The following MBLAC2 variants were observed in gnomAD, a reference collection of about 807,000 sequenced individuals.
MBLAC2 encodes the protein acyl-coenzyme A thioesterase MBLAC2.
In MBLAC2, 24 loss-of-function variants were observed where a neutral mutation model predicts 23.3. The observed-to-expected ratio is 1.03, with a 90% CI of 0.75 to 1.45. The LOEUF is 1.45. Ranked by LOEUF, MBLAC2 falls within the 40% of genes most tolerant of loss-of-function variation. The probability of loss-of-function intolerance (pLI) is 0.00; values close to 1 mark genes in which losing one functional copy is unlikely to be tolerated. For synonymous variants in MBLAC2, 162 were observed against 150.9 expected (o/e 1.07, Z -0.54); for missense variants, 358 against 370.0 (o/e 0.97, Z 0.27).
chr5:90,467,350 T>C (rs1750465523), intron 1 of MBLAC2, among the ~76,000 whole-genome samples: 1 of 152,224 alleles, frequency 6.6e-6, no homozygotes, highest in Non-Finnish European at 1.5e-5. Context: ...AATTGTTTTA[T>C]ACATTTGGGA....
At chr5:90,463,429 G>C (rs1750399059) in intron 1 of MBLAC2, among the ~76,000 whole-genome samples, 1 of 151,976 alleles carries the variant, frequency 6.6e-6, no homozygotes. Flanking sequence ...TAACAAATTA[G>C]GAAGAACAAA....
intron 1 of MBLAC2, among the ~76,000 whole-genome samples, chr5:90,471,195 G>A (rs1296806636): frequency 6.6e-6 from 1 of 152,160 alleles, no homozygotes; most frequent in Non-Finnish European, 1.5e-5. Flanking sequence ...CTTCGGAAGA[G>A]AGCCAAATTA....
At chr5:90,468,503 G>A (rs950253810) in intron 1 of MBLAC2, among the ~76,000 whole-genome samples, 1 of 151,776 alleles carries the variant, frequency 6.6e-6, no homozygotes, top group African/African-American at 2.4e-5. Flanking sequence ...ACTTTCCAGT[G>A]CATTTTGAAT....
Position 90,474,333 on chromosome 5 carries a change from G to A in MBLAC2, c.-41C>T, listed in dbSNP as rs762012309. The A allele has an allele frequency of 1.9e-6, 3 of 1,568,386 alleles. No individual in the cohort carries two copies. The highest frequency in any genetic ancestry group is 2.6e-6 in the Non-Finnish European group (3 of 1,143,894). On this transcript the variant is annotated 5_prime_UTR_variant, in exon 1 of 2. Coordinates refer to ENST00000316610, the MANE Select transcript of MBLAC2 (RefSeq NM_203406.2). ...AGCCAGGCGGGGTGAGTGTGGGCGT[G>A]CGAGTCTCCCACAGGCTGTCCACAC... is the stretch of plus-strand genomic sequence containing the variant.
chr5:90,474,479 C>T lies in MBLAC2; in HGVS notation c.-187G>A, dbSNP rs560585548. 1.3e-4 allele frequency: 81 copies of T among 603,764 alleles called. No individual in the cohort carries two copies. The highest frequency in any genetic ancestry group is 4.3e-4 in the Middle Eastern group (1 of 2,300). 37.4% of individuals were successfully genotyped at this position (603,764 alleles called of 1,614,324 possible). The stretch of plus-strand genomic sequence containing the variant: ...GAGGAAGGACGCAGACCGACGCTGC[C>T]CGTAGCGTGCGCTCCCGCACCCTTC... On this transcript the variant is annotated 5_prime_UTR_variant, in exon 1 of 2. Coordinates refer to ENST00000316610, the MANE Select transcript of MBLAC2 (RefSeq NM_203406.2).
At chr5:90,466,184 CAGAG>C (rs754160652) in intron 1 of MBLAC2, among the ~76,000 whole-genome samples, 1 of 152,138 alleles carries the variant, frequency 6.6e-6, no homozygotes, top group Non-Finnish European at 1.5e-5. Context: ...ATCGATATAA[CAGAG>C]AGTCTGAAAG....
In MBLAC2 at chr5:90,459,845, G is replaced by A. The variant is rs1161483697; in HGVS notation, c.*1322C>T. 6.6e-6 allele frequency: 1 copy of A among 152,308 alleles called. No individual in the cohort carries two copies. Among genetic ancestry groups the A allele is most frequent in the Non-Finnish European group, 1.5e-5 (1 of 67,946 alleles). The allele number at this position is 152,308 out of a possible 1,614,324, so 9.4% of individuals were successfully genotyped here. On this transcript the variant is annotated 3_prime_UTR_variant, in exon 2 of 2. Coordinates refer to ENST00000316610, the MANE Select transcript of MBLAC2 (RefSeq NM_203406.2). ...AACTAAAGAACCTGGGCATCTGTAG[G>A]GTAGAAAAGTTTTGTAATTTTTCAG...
At chr5:90,469,917 G>A (rs1002845445) in intron 1 of MBLAC2, among the ~76,000 whole-genome samples, 11 of 152,154 alleles carry the variant, frequency 7.2e-5, no homozygotes, top group Non-Finnish European at 1.6e-4. Context: ...GAATACTAAA[G>A]AGATAACTGC....
In MBLAC2 at chr5:90,461,446, A is replaced by T. The variant is rs1750368078; in HGVS notation, c.561T>A (p.Ser187Arg). Residue 187 changes from serine (S) to arginine (R), a missense_variant, in exon 2 of 2, where the codon AGT becomes AGA. Transcript: ENST00000316610. ...GTGATCCATCATACACGACGTCTCC[A>T]CTGAAGAGAATCTTTCGGTCTTTGT... is the stretch of plus-strand genomic sequence containing the variant. The part of the protein sequence containing the change: ...LHDKDRKILF[S>R]GDVVYDGSLI... 1 of 1,614,080 alleles carries T rather than the reference A, an allele frequency of 6.2e-7. No individual in the cohort carries two copies.
intron 1 of MBLAC2, among the ~76,000 whole-genome samples, chr5:90,461,831 T>G (rs1750373948): frequency 6.6e-6 from 1 of 152,196 alleles, no homozygotes; most frequent in Non-Finnish European, 1.5e-5. Flanking sequence ...GTCAAATAAT[T>G]TGAGGAACTC....
In MBLAC2 at chr5:90,474,402, G is replaced by C; in HGVS notation, c.-110C>G. ...GTGAAGCGGTCTGCCTGCAGCCAGG[G>C]AGGAGGCGTAGAGCGAGGCGGGGGC... On this transcript the variant is annotated 5_prime_UTR_variant, in exon 1 of 2. Transcript: ENST00000316610. The C allele has an allele frequency of 9.8e-7, 1 of 1,024,304 alleles. No homozygotes were observed. The highest frequency in any genetic ancestry group is 1.4e-5 in the South Asian group (1 of 71,828). The allele number at this position is 1,024,304 out of a possible 1,614,324, so 63.5% of individuals were successfully genotyped here. A position where few individuals can be genotyped will look rare whatever the true frequency, so the allele number is the denominator to read the frequency against.
rs143896588 is a variant in MBLAC2, at chr5:90,459,563, A to C, written c.*1604T>G. 6 of 152,104 alleles carry C rather than the reference A, an allele frequency of 3.9e-5. No homozygotes were observed. Among genetic ancestry groups the C allele is most frequent in the African/African-American group, 1.4e-4 (6 of 41,446 alleles). 9.4% of individuals were successfully genotyped at this position (152,104 alleles called of 1,614,324 possible). A position where few individuals can be genotyped will look rare whatever the true frequency, so the allele number is the denominator to read the frequency against. ...TGACTCAAAAACCCCTCCTCCAGTAAACTTTGCCTAACCAAAGTTCACACC... is the reference window on the plus strand; with the variant it reads ...TGACTCAAAAACCCCTCCTCCAGTACACTTTGCCTAACCAAAGTTCACACC... On this transcript the variant is annotated 3_prime_UTR_variant, in exon 2 of 2. Transcript: ENST00000316610.
chr5:90,462,506 A>G (rs551348465), intron 1 of MBLAC2, among the ~76,000 whole-genome samples: 1 of 152,282 alleles, frequency 6.6e-6, no homozygotes, highest in South Asian at 2.1e-4. Flanking sequence ...AGCCTACAAG[A>G]AAGAAACTAT....
intron 1 of MBLAC2, among the ~76,000 whole-genome samples, chr5:90,466,498 A>G (rs1186425346): frequency 6.6e-6 from 1 of 152,176 alleles, no homozygotes; most frequent in African/African-American, 2.4e-5. Context: ...CACGAGACAA[A>G]AATTGCTAAC....
At chr5:90,471,672 A>G (rs1237684231) in intron 1 of MBLAC2, 1 of 152,250 alleles carries the variant, frequency 6.6e-6, no homozygotes, top group Non-Finnish European at 1.5e-5. Flanking sequence ...CTACCAAAGC[A>G]ATGAAGACTT....
At chr5:90,469,351 A>T (rs1191318510) in intron 1 of MBLAC2, among the ~76,000 whole-genome samples, 1 of 152,008 alleles carries the variant, frequency 6.6e-6, no homozygotes, top group Non-Finnish European at 1.5e-5. Context: ...TGGTCCTCCT[A>T]CTTATTTTAG....
intron 1 of MBLAC2, among the ~76,000 whole-genome samples, chr5:90,462,552 C>G (rs1378484907): frequency 6.6e-6 from 1 of 151,876 alleles, no homozygotes; most frequent in Non-Finnish European, 1.5e-5. Context: ...AAAGCTTAAC[C>G]ATATTAAATA....
At position 90,473,966 on chromosome 5, in the gene MBLAC2, A is replaced by G; in HGVS notation, c.327T>C (p.Ala109=). 1 of 1,600,450 alleles carries G rather than the reference A, an allele frequency of 6.2e-7. No individual in the cohort carries two copies. Among genetic ancestry groups the G allele is most frequent in the Non-Finnish European group, 8.5e-7 (1 of 1,174,492 alleles). Residue 109 remains alanine, a synonymous_variant, in exon 1 of 2, where the codon GCT becomes GCC. Coordinates refer to ENST00000316610, the MANE Select transcript of MBLAC2 (RefSeq NM_203406.2). ...AVHHAEAEAL[A]RGDNFETVTW... ...TCACGGTCTCAAAGTTGTCCCCGCG[A>G]GCCAGCGCCTCGGCCTCGGCGTGGT...
In MBLAC2 at chr5:90,468,924, CA is replaced by C. The variant is rs1273559979; in HGVS notation, c.454+4914del. ...ACCTATCAAAACCTCTGGGATACGGCAAAAGCAGTGCTAAGAGGAAAGTTCA... is the reference window on the plus strand; with the variant it reads ...ACCTATCAAAACCTCTGGGATACGGCAAAGCAGTGCTAAGAGGAAAGTTCA... On this transcript the variant is annotated intron_variant, in intron 1 of 1. Coordinates refer to ENST00000316610, the MANE Select transcript of MBLAC2 (RefSeq NM_203406.2). Among the ~76,000 whole-genome samples, 5 of 152,218 alleles carry C rather than the reference CA, an allele frequency of 3.3e-5. No homozygotes were observed. The East Asian group carries it at 9.6e-4, about 29-fold the overall frequency.
Sources: gnomAD v4.1 joint callset for allele counts (sites outside exome capture counted in the v4.1 genomes callset) on GRCh38, gnomAD v4.1.1 for gene constraint, MANE v1.5 for transcripts, NCBI Gene and HGNC (gene_info 2026-07-23, HGNC 2026-07-21) for gene names.